RGS7: variants seen among roughly 807,000 people sequenced by gnomAD.
RGS7 encodes the protein regulator of G-protein signaling 7.
RGS7 carries 27 observed loss-of-function variants against 81.1 expected under a neutral mutation model. That is an observed-to-expected ratio of 0.33 (90% CI 0.25 to 0.46). RGS7 has a LOEUF of 0.46. Ranked by LOEUF, RGS7 falls within the 20% of genes least tolerant of loss-of-function variation. RGS7 has a pLI of 1.00. For synonymous variants in RGS7, 208 were observed against 207.7 expected (o/e 1.00, Z -0.01); for missense variants, 396 against 607.4 (o/e 0.65, Z 3.66).
chr1:241,054,062 G>T (rs1043169157), intron 3 of RGS7, among the ~76,000 whole-genome samples: 11 of 152,058 alleles, frequency 7.2e-5, no homozygotes, highest in Non-Finnish European at 1.5e-4. Flanking sequence ...TGACCTATGG[G>T]TGTCACACCC....
chr1:241,118,092 T>A (rs1034665575), intron 2 of RGS7, among the ~76,000 whole-genome samples: 1 of 152,240 alleles, frequency 6.6e-6, no homozygotes, highest in Admixed American at 6.5e-5. Context: ...AAGCCTACTA[T>A]TTTTATTCTA....
In RGS7 at chr1:241,229,972, C is replaced by T. The variant is rs140338263; in HGVS notation, c.78+125727G>A. On this transcript the variant is annotated intron_variant, in intron 2 of 18. Coordinates refer to ENST00000440928, the MANE Select transcript of RGS7 (RefSeq NM_001364886.1). ...GAAACAGATAACCTCGGAAGTTCAGCGTGAAGGGCTACTGCACCACAGTCA... is the reference window on the plus strand; with the variant it reads ...GAAACAGATAACCTCGGAAGTTCAGTGTGAAGGGCTACTGCACCACAGTCA... 5.6e-4 allele frequency among the ~76,000 whole-genome samples: 85 copies of T among 152,226 alleles called. No individual in the cohort carries two copies. The Middle Eastern group carries it at 0.014, about 25-fold the overall frequency.
rs115578157 is a variant in RGS7 at position 240,849,360 on chromosome 1, A to T, written c.609+19227T>A. ...TTAGTGGAAGGAATCCTGAGCTGCA[A>T]TTCAGAACACCTGGATTCATTCCTG... On this transcript the variant is annotated intron_variant, in intron 9 of 18. Transcript: ENST00000440928. Among the ~76,000 whole-genome samples the T allele has an allele frequency of 6.4e-3, 974 of 152,308 alleles. 5 individuals carry two copies. The highest frequency in any genetic ancestry group is 9.1e-3 in the Non-Finnish European group (620 of 68,024).
At chr1:240,990,725 T>C (rs116173245) in intron 3 of RGS7, among the ~76,000 whole-genome samples, 4,295 of 152,304 alleles carry the variant, frequency 0.028, 71 homozygotes, top group Non-Finnish European at 0.044. Flanking sequence ...AAAGCCCTTC[T>C]TCCAATATTC....
intron 2 of RGS7, among the ~76,000 whole-genome samples, chr1:241,274,764 C>T (rs2078101591): frequency 6.6e-6 from 1 of 152,158 alleles, no homozygotes; most frequent in South Asian, 2.1e-4. Flanking sequence ...CCTGTGGTTA[C>T]ACTCAGTGTT....
At chr1:241,285,447 AG>A (rs1439381582) in intron 2 of RGS7, among the ~76,000 whole-genome samples, 3 of 152,206 alleles carry the variant, frequency 2.0e-5, no homozygotes, top group Non-Finnish European at 4.4e-5. Flanking sequence ...TTGTAATTAG[AG>A]GATCTAATAG....
At chr1:240,783,493 C>T (rs935826040) in intron 18 of RGS7, among the ~76,000 whole-genome samples, 8 of 150,512 alleles carry the variant, frequency 5.3e-5, no homozygotes, top group African/African-American at 1.5e-4. Flanking sequence ...CATGGTGGTG[C>T]GTGCCTGTAA....
chr1:240,808,038 A>G (rs921356323), intron 14 of RGS7, among the ~76,000 whole-genome samples: 2 of 150,844 alleles, frequency 1.3e-5, no homozygotes, highest in African/African-American at 4.9e-5. Flanking sequence ...TTCATCTCAA[A>G]AAAAAAAAAA....
At chr1:241,208,183 C>A (rs2074031341) in intron 2 of RGS7, among the ~76,000 whole-genome samples, 1 of 152,132 alleles carries the variant, frequency 6.6e-6, no homozygotes, top group Admixed American at 6.5e-5. Flanking sequence ...GGATTACAGG[C>A]GTGAGCCACC....
intron 6 of RGS7, among the ~76,000 whole-genome samples, chr1:240,904,071 T>C (rs1670441050): frequency 6.6e-6 from 1 of 152,232 alleles, no homozygotes; most frequent in East Asian, 1.9e-4. Flanking sequence ...AACGGTGGCA[T>C]CTGTTACTAC....
intron 4 of RGS7, among the ~76,000 whole-genome samples, chr1:240,946,176 G>A (rs565084069): frequency 2.0e-5 from 3 of 152,220 alleles, no homozygotes; most frequent in African/African-American, 4.8e-5. Context: ...TCCATAATGA[G>A]TAAATTCAGA....
intron 2 of RGS7, among the ~76,000 whole-genome samples, chr1:241,318,295 A>C (rs1183724240): frequency 6.6e-6 from 1 of 152,256 alleles, no homozygotes; most frequent in Non-Finnish European, 1.5e-5. Flanking sequence ...CACATTAAAT[A>C]TAAAATGAGA....
rs560900520 is a variant in RGS7, at chr1:240,818,947, A to G, written c.685-2532T>C. On this transcript the variant is annotated intron_variant, in intron 10 of 18. Coordinates refer to ENST00000440928, the MANE Select transcript of RGS7 (RefSeq NM_001364886.1). The stretch of plus-strand genomic sequence containing the variant: ...GAGGATTTTAAATGTTCTTGCCACA[A>G]AAAGGATAAATATTTGAGGTGACGA... 3.9e-5 allele frequency among the ~76,000 whole-genome samples: 6 copies of G among 152,326 alleles called. No homozygotes were observed. The South Asian group carries it at 8.3e-4, about 21-fold the overall frequency.
chr1:241,342,399 C>T (rs1231427796), intron 2 of RGS7, among the ~76,000 whole-genome samples: 1 of 152,128 alleles, frequency 6.6e-6, no homozygotes, highest in Non-Finnish European at 1.5e-5. Flanking sequence ...ATGAAAGTAA[C>T]ATCAGTCACT....
At chr1:240,812,072 A>G in intron 13 of RGS7, 29 bp from the exon 14 acceptor site, 1 of 1,613,578 alleles carries the variant, frequency 6.2e-7, no homozygotes, top group Non-Finnish European at 8.5e-7. Flanking sequence ...AGGCAAATAC[A>G]TTCCTTTCAT....
intron 9 of RGS7, among the ~76,000 whole-genome samples, chr1:240,848,322 TTAAG>T (rs1467673584): frequency 1.3e-5 from 2 of 152,188 alleles, no homozygotes; most frequent in African/African-American, 4.8e-5. Flanking sequence ...GATTATTTTA[TTAAG>T]TGATTGGTGT....
At chr1:240,882,071 G>T (rs261839) in intron 6 of RGS7, among the ~76,000 whole-genome samples, 4 of 151,996 alleles carry the variant, frequency 2.6e-5, no homozygotes, top group East Asian at 1.9e-4. Flanking sequence ...TGCATAGCCA[G>T]GCCCAGCTAA....
At chr1:241,103,156 T>C (rs534143137) in intron 2 of RGS7, among the ~76,000 whole-genome samples, 2 of 152,290 alleles carry the variant, frequency 1.3e-5, no homozygotes, top group South Asian at 2.1e-4. Context: ...TATATATATG[T>C]ATGTGTGTGT....
chr1:241,203,558 C>T (rs940512914), intron 2 of RGS7, among the ~76,000 whole-genome samples: 72 of 152,048 alleles, frequency 4.7e-4, no homozygotes, highest in Admixed American at 1.5e-3. Flanking sequence ...AAGATAGATC[C>T]TCTGGTTTTC....
Sources: gnomAD v4.1 joint callset for allele counts (sites outside exome capture counted in the v4.1 genomes callset) on GRCh38, gnomAD v4.1.1 for gene constraint, MANE v1.5 for transcripts, NCBI Gene and HGNC (gene_info 2026-07-23, HGNC 2026-07-21) for gene names.